The following PCDHGB1 variants were observed in gnomAD, a reference collection of about 807,000 sequenced individuals.
PCDHGB1 encodes the protein protocadherin gamma subfamily B, 1, also known as protocadherin gamma-B1.
Under a neutral mutation model 56.6 loss-of-function variants are expected in PCDHGB1, and 34 were observed. The ratio of observed to expected loss-of-function variants is 0.60; its 90% CI spans 0.46 to 0.80. The LOEUF (loss-of-function observed/expected upper bound fraction) is 0.80, where lower values mean the gene tolerates loss of function less well. Ranked by LOEUF, PCDHGB1 falls within the 30% of genes least tolerant of loss-of-function variation. The pLI, the probability that PCDHGB1 is intolerant of heterozygous loss-of-function variation, is 0.00. For missense variants in PCDHGB1, 1,278 were observed against 1,204.6 expected, an observed-to-expected ratio of 1.06 and a Z score of -0.90; for synonymous variants, 561 against 505.9, an observed-to-expected ratio of 1.11 and a Z score of -1.46.
chr5:141,399,867 C>T (rs766258677), intron 1 of PCDHGB1: 17 of 1,612,738 alleles, frequency 1.1e-5, no homozygotes, highest in South Asian at 3.3e-5. Context: ...CTGCAGAGCC[C>T]GGCTACCTGG....
chr5:141,398,831 C>G (rs1488126013), intron 1 of PCDHGB1: 13 of 1,614,014 alleles, frequency 8.1e-6, no homozygotes, highest in Non-Finnish European at 1.1e-5. Context: ...GTAACCGACG[C>G]CAATGATAAT....
Position 141,361,369 on chromosome 5 carries a change from C to T in PCDHGB1, c.2409+8700C>T, listed in dbSNP as rs768974376. On this transcript the variant is annotated intron_variant, in intron 1 of 3. Transcript: ENST00000523390. ...ACTAGTGACAGACGGCGCTCTGGACCGGGAGGAGATCCCAGAATACAATCT... is the reference window on the plus strand; with the variant it reads ...ACTAGTGACAGACGGCGCTCTGGACTGGGAGGAGATCCCAGAATACAATCT... 5.0e-6 allele frequency: 8 copies of T among 1,613,946 alleles called. 1 individual carries two copies. In the South Asian group the frequency reaches 8.8e-5, roughly 18 times the overall value.
At chr5:141,478,322 C>G (rs1360535508) in intron 1 of PCDHGB1, 28 of 1,613,976 alleles carry the variant, frequency 1.7e-5, no homozygotes, top group Non-Finnish European at 2.3e-5. Context: ...CTCACTGTAC[C>G]GAACACCAGG....
chr5:141,482,609 A>G (rs2099569274), intron 1 of PCDHGB1, among the ~76,000 whole-genome samples: 1 of 151,770 alleles, frequency 6.6e-6, no homozygotes, highest in African/African-American at 2.4e-5. Context: ...AAACACCTAA[A>G]TGAGCCTGGA....
At chr5:141,354,916 A>G (rs916741222) in intron 1 of PCDHGB1, 3 of 411,270 alleles carry the variant, frequency 7.3e-6, no homozygotes, top group African/African-American at 6.2e-5. Flanking sequence ...AAAAGTGTAT[A>G]AAAAATAAAC....
intron 1 of PCDHGB1, chr5:141,356,122 G>C: frequency 6.2e-6 from 10 of 1,613,886 alleles, no homozygotes; most frequent in African/African-American, 1.3e-5. Flanking sequence ...GGGGGGTCTA[G>C]ATTATGAGGA....
At chr5:141,387,610 T>A in intron 1 of PCDHGB1, 2 of 558,176 alleles carry the variant, frequency 3.6e-6, no homozygotes, top group East Asian at 3.0e-5. Flanking sequence ...AGGCTGTAGT[T>A]TCCTAGTGCT....
Position 141,418,176 on chromosome 5 carries a change from T to G in PCDHGB1, c.2409+65507T>G, listed in dbSNP as rs1197334192. 1 of 1,614,078 alleles carries G rather than the reference T, an allele frequency of 6.2e-7. No individual in the cohort carries two copies. Among genetic ancestry groups the G allele is most frequent in the Non-Finnish European group, 8.5e-7 (1 of 1,179,908 alleles). On this transcript the variant is annotated intron_variant, in intron 1 of 3. Coordinates refer to ENST00000523390, the MANE Select transcript of PCDHGB1 (RefSeq NM_018922.3). ...GAGAGAAGAAGATGTGAGTTGCAAT[T>G]GGAAGCTGTGGTGGAAAATCCTTTA...
chr5:141,397,092 G>A (rs1422724446), intron 1 of PCDHGB1, among the ~76,000 whole-genome samples: 3 of 152,136 alleles, frequency 2.0e-5, no homozygotes, highest in South Asian at 2.1e-4. Flanking sequence ...ATTTCAGATA[G>A]GATAATAATG....
rs1590066119 is a variant in PCDHGB1, at chr5:141,417,816, C to G, written c.2409+65147C>G. On this transcript the variant is annotated intron_variant, in intron 1 of 3. Transcript: ENST00000523390. ...CTTTTAGCGCGGTAGAGTGCACTTT[C>G]TCCAACTGGAAAAGCGGGGACCCAG... is the stretch of plus-strand genomic sequence containing the variant. 3 of 1,511,044 alleles carry G rather than the reference C, an allele frequency of 2.0e-6. No homozygotes were observed. The East Asian group carries it at 7.4e-5, about 37-fold the overall frequency. 93.6% of individuals were successfully genotyped at this position (1,511,044 alleles called of 1,614,324 possible).
intron 1 of PCDHGB1, chr5:141,355,989 C>G (rs539292307): frequency 1.9e-6 from 3 of 1,613,804 alleles, no homozygotes; most frequent in Middle Eastern, 1.6e-4. Flanking sequence ...GGCTACTCAC[C>G]GTAAAAGCCA....
At chr5:141,394,306 G>T in intron 1 of PCDHGB1, 1 of 1,613,958 alleles carries the variant, frequency 6.2e-7, no homozygotes, top group Non-Finnish European at 8.5e-7. Context: ...ACGCTGCAGG[G>T]GGCGCCCCTG....
intron 2 of PCDHGB1, among the ~76,000 whole-genome samples, chr5:141,501,331 ACACC>A (rs747366952): frequency 1.4e-5 from 2 of 138,844 alleles, no homozygotes; most frequent in Non-Finnish European, 3.2e-5. Context: ...ACACACACAC[ACACC>A]CCAAACTCAA....
At chr5:141,419,686 G>T (rs551990092) in intron 1 of PCDHGB1, 2 of 1,612,878 alleles carry the variant, frequency 1.2e-6, no homozygotes, top group South Asian at 1.1e-5. Flanking sequence ...ACCACGTGGT[G>T]CAGGCCAGTG....
intron 1 of PCDHGB1, chr5:141,374,135 A>C: frequency 6.2e-7 from 1 of 1,605,796 alleles, no homozygotes; most frequent in Non-Finnish European, 8.5e-7. Flanking sequence ...CCTGCTCCTC[A>C]CGCTCCTGGG....
At chr5:141,360,395 G>A in intron 1 of PCDHGB1, 1 of 1,613,930 alleles carries the variant, frequency 6.2e-7, no homozygotes, top group South Asian at 1.1e-5. Flanking sequence ...TTACTTGTGA[G>A]TGACAGAATA....
At chr5:141,401,533 C>CA (rs902946394) in intron 1 of PCDHGB1, among the ~76,000 whole-genome samples, 5 of 151,672 alleles carry the variant, frequency 3.3e-5, no homozygotes, top group Admixed American at 6.6e-5. Flanking sequence ...AAGAAACTTA[C>CA]AAAAAAAAGG....
At chr5:141,355,869 T>C (rs1354052065) in intron 1 of PCDHGB1, 5 of 1,613,064 alleles carry the variant, frequency 3.1e-6, no homozygotes, top group South Asian at 1.1e-5. Context: ...CGGTTCGCTC[T>C]GGCACTGCCA....
intron 1 of PCDHGB1, among the ~76,000 whole-genome samples, chr5:141,438,747 T>C (rs2098059577): frequency 6.7e-6 from 1 of 148,680 alleles, no homozygotes. Flanking sequence ...CTGCAACCTC[T>C]GCCTCCTGGG....
Sources: gnomAD v4.1 joint callset for allele counts (sites outside exome capture counted in the v4.1 genomes callset) on GRCh38, gnomAD v4.1.1 for gene constraint, MANE v1.5 for transcripts, NCBI Gene and HGNC (gene_info 2026-07-23, HGNC 2026-07-21) for gene names.